EEF2K: variants seen among roughly 807,000 people sequenced by gnomAD.
The protein encoded by EEF2K is eukaryotic elongation factor 2 kinase.
EEF2K carries 70 observed loss-of-function variants against 93.8 expected under a neutral mutation model. That is an observed-to-expected ratio of 0.75 (90% CI 0.62 to 0.91). The LOEUF is 0.91. Among genes scored for constraint, EEF2K ranks in the 40% least tolerant of loss-of-function variants. The pLI is 0.00. For missense variants in EEF2K, 935 were observed against 972.9 expected (o/e 0.96, Z 0.52); for synonymous variants, 376 against 380.8 (o/e 0.99, Z 0.15).
Position 22,225,766 on chromosome 16 carries a change from G to A in EEF2K, c.37G>A (p.Val13Ile), listed in dbSNP as rs749205317. Residue 13 changes from valine to isoleucine, a missense_variant, in exon 2 of 18, where the codon GTT (valine) becomes ATT (isoleucine). Coordinates refer to ENST00000263026, the MANE Select transcript of EEF2K (RefSeq NM_013302.5). ...DEDLIFRLEG[V>I]DGGQSPRAGH... Reference sequence around the variant, plus strand: ...AGATCTCATCTTCCGCCTGGAAGGCGTTGATGGCGGCCAGTCCCCCCGAGC... The same window carrying A: ...AGATCTCATCTTCCGCCTGGAAGGCATTGATGGCGGCCAGTCCCCCCGAGC... 6 of 1,614,196 alleles carry A rather than the reference G, an allele frequency of 3.7e-6. No individual in the cohort carries two copies. Among genetic ancestry groups the A allele is most frequent in the Non-Finnish European group, 5.1e-6 (6 of 1,180,036 alleles).
intron 6 of EEF2K, among the ~76,000 whole-genome samples, chr16:22,255,889 G>T (rs146980107): frequency 2.0e-5 from 3 of 151,808 alleles, no homozygotes; most frequent in East Asian, 3.9e-4. Flanking sequence ...CAGCCTGGGC[G>T]ACAGAGTGAG....
intron 2 of EEF2K, among the ~76,000 whole-genome samples, chr16:22,235,105 TG>T (rs1378245236): frequency 2.6e-5 from 4 of 151,530 alleles, no homozygotes; most frequent in African/African-American, 9.7e-5. Flanking sequence ...TCCCAGTTAC[TG>T]GGGAGGCTGA....
intron 1 of EEF2K, among the ~76,000 whole-genome samples, chr16:22,219,884 A>G (rs1428623167): frequency 5.9e-5 from 9 of 152,164 alleles, no homozygotes; most frequent in African/African-American, 2.2e-4. Flanking sequence ...GGTCTAGGGT[A>G]GCTGCTTGAG....
chr16:22,273,665 C>T lies in EEF2K; in HGVS notation c.1804C>T (p.Leu602=), dbSNP rs373007384. 3.1e-6 allele frequency: 5 copies of T among 1,614,186 alleles called. No homozygotes were observed. Among genetic ancestry groups the T allele is most frequent in the Non-Finnish European group, 3.4e-6 (4 of 1,180,034 alleles). ...ENKTKGFDYL[L]KAAEAGDRQS... ...CAAAACCAAAGGATTTGATTACTTA[C>T]TAAAGGCCGCTGAAGCTGGCGACAG... is the stretch of plus-strand genomic sequence containing the variant. Residue 602 remains leucine (L), a synonymous_variant, in exon 16 of 18, where the codon CTA becomes TTA. Transcript: ENST00000263026.
chr16:22,236,139 C>T (rs1191014017), intron 2 of EEF2K, among the ~76,000 whole-genome samples: 3 of 152,036 alleles, frequency 2.0e-5, no homozygotes, highest in Admixed American at 6.6e-5. Flanking sequence ...CTGGGTTCCA[C>T]TGATAATTGT....
chr16:22,208,523 C>CT (rs1439710329), intron 1 of EEF2K, among the ~76,000 whole-genome samples: 1 of 152,154 alleles, frequency 6.6e-6, no homozygotes, highest in Non-Finnish European at 1.5e-5. Context: ...AAGCGAGACT[C>CT]TGTCTCAAAA....
chr16:22,257,211 G>C, intron 7 of EEF2K, 42 bp from the exon 8 acceptor site: 1 of 1,613,856 alleles, frequency 6.2e-7, no homozygotes. Context: ...ACAGACCTCA[G>C]CCTGTCTCTT....
rs1048744633 is a variant in EEF2K, at chr16:22,257,475, G to A, written c.901+90G>A. ...TCGTACAGCCAAGGAAACAGGCTGAGACACTGTACGCGCTTTTTCAAGATC... is the reference window on the plus strand; with the variant it reads ...TCGTACAGCCAAGGAAACAGGCTGAAACACTGTACGCGCTTTTTCAAGATC... On this transcript the variant is annotated intron_variant, in intron 8 of 17. Transcript: ENST00000263026. 3.6e-5 allele frequency: 56 copies of A among 1,566,404 alleles called. No individual in the cohort carries two copies. The African/African-American group carries it at 6.7e-4, about 19-fold the overall frequency.
intron 16 of EEF2K, among the ~76,000 whole-genome samples, chr16:22,278,468 G>T (rs1163332122): frequency 6.6e-6 from 1 of 152,174 alleles, no homozygotes; most frequent in Non-Finnish European, 1.5e-5. Flanking sequence ...GGGAACAGCG[G>T]GTGCAAGGGC....
At chr16:22,272,444 A>G (rs2047591633) in intron 15 of EEF2K, among the ~76,000 whole-genome samples, 1 of 152,224 alleles carries the variant, frequency 6.6e-6, no homozygotes, top group Non-Finnish European at 1.5e-5. Flanking sequence ...CACATATTGT[A>G]TGACTATATT....
At chr16:22,215,363 A>G (rs1302144689) in intron 1 of EEF2K, among the ~76,000 whole-genome samples, 1 of 152,156 alleles carries the variant, frequency 6.6e-6, no homozygotes, top group Non-Finnish European at 1.5e-5. Context: ...GATAGATACA[A>G]GGGCAAGGAG....
At chr16:22,263,241 C>G (rs1442092745) in intron 12 of EEF2K, 54 bp downstream of exon 12, 1 of 1,528,318 alleles carries the variant, frequency 6.5e-7, no homozygotes, top group Non-Finnish European at 8.9e-7. Flanking sequence ...TGTTTATCCT[C>G]CAGGAAAATG....
At chr16:22,220,135 A>G (rs768822386) in intron 1 of EEF2K, among the ~76,000 whole-genome samples, 10 of 152,210 alleles carry the variant, frequency 6.6e-5, no homozygotes, top group Non-Finnish European at 1.3e-4. Context: ...GTGAACAGCT[A>G]TTGGGGGATA....
chr16:22,263,041 T>G, intron 11 of EEF2K, 69 bp from the exon 12 acceptor site: 591 of 1,431,222 alleles, frequency 4.1e-4, no homozygotes, highest in Non-Finnish European at 4.9e-4. Context: ...GTTGGGGTGT[T>G]GAGATGTCAT....
At chr16:22,214,964 G>C (rs145454666) in intron 1 of EEF2K, among the ~76,000 whole-genome samples, 2 of 152,302 alleles carry the variant, frequency 1.3e-5, no homozygotes, top group East Asian at 3.9e-4. Flanking sequence ...AATTGCCTGG[G>C]GTTTAAAAAC....
In EEF2K at chr16:22,286,211, C is replaced by T. The variant is rs1197231757; in HGVS notation, c.*2215C>T. On this transcript the variant is annotated 3_prime_UTR_variant, in exon 18 of 18. Transcript: ENST00000263026. Reference sequence around the variant, plus strand: ...CTGATCACCCTTTTGTCATCTGTACCAGATCAGTAGTTGGCTTGTGTTACA... The same window carrying T: ...CTGATCACCCTTTTGTCATCTGTACTAGATCAGTAGTTGGCTTGTGTTACA... The T allele has an allele frequency of 1.3e-5, 2 of 152,146 alleles. No homozygotes were observed. The highest frequency in any genetic ancestry group is 2.9e-5 in the Non-Finnish European group (2 of 68,040). The allele number at this position is 152,146 out of a possible 1,614,324, so 9.4% of individuals were successfully genotyped here.
At position 22,266,421 on chromosome 16, in the gene EEF2K, C is replaced by G; in HGVS notation, c.1472C>G (p.Ser491Cys). The G allele has an allele frequency of 6.2e-7, 1 of 1,614,152 alleles. No individual in the cohort carries two copies. Among genetic ancestry groups the G allele is most frequent in the Non-Finnish European group, 8.5e-7 (1 of 1,180,026 alleles). ...GTAGAGAAGTGGAATCTCCTCAACT[C>G]CTCCCGCCTCCACCTGCCGAGGGCT... ...VCVEKWNLLN[S>C]SRLHLPRASA... The change falls in exon 14 of 18, where the codon TCC becomes TGC. Residue 491 changes from serine (S) to cysteine (C), a missense_variant. Transcript: ENST00000263026.
intron 11 of EEF2K, among the ~76,000 whole-genome samples, chr16:22,262,010 C>T (rs894107683): frequency 7.3e-5 from 11 of 150,668 alleles, no homozygotes; most frequent in African/African-American, 2.7e-4. Flanking sequence ...GCCACACACA[C>T]ACACACACAC....
intron 1 of EEF2K, among the ~76,000 whole-genome samples, chr16:22,224,478 G>C (rs7189124): frequency 0.31 from 47,318 of 151,452 alleles, 8,922 homozygotes; most frequent in East Asian, 0.59. Context: ...AAAAAACAAA[G>C]AAAATTGGCC....
Sources: gnomAD v4.1 joint callset for allele counts (sites outside exome capture counted in the v4.1 genomes callset) on GRCh38, gnomAD v4.1.1 for gene constraint, MANE v1.5 for transcripts, NCBI Gene and HGNC (gene_info 2026-07-23, HGNC 2026-07-21) for gene names.